Variants in TSR2 observed in about 807,000 individuals in gnomAD.
The protein encoded by TSR2 is TSR2 ribosome maturation factor, also known as pre-rRNA-processing protein TSR2 homolog.
TSR2 carries 1 observed loss-of-function variant against 13.3 expected under a neutral mutation model. The ratio of observed to expected loss-of-function variants is 0.08; its 90% CI spans 0.03 to 0.36. The LOEUF is 0.36. TSR2 is among the 10% of genes least tolerant of loss of function. The pLI, the probability that TSR2 is intolerant of heterozygous loss-of-function variation, is 0.99. For missense variants in TSR2, 120 were observed against 151.1 expected, an observed-to-expected ratio of 0.79 and a Z score of 1.08; for synonymous variants, 60 against 57.7, an observed-to-expected ratio of 1.04 and a Z score of -0.18.
rs1004559780 is a variant in TSR2 at position 54,446,468 on chromosome X, G to A, written c.*1918G>A. On this transcript the variant is annotated 3_prime_UTR_variant, in exon 5 of 5. Transcript: ENST00000375151. ...CACCTTGGGGCTAGACCTTTCCCCC[G>A]CCCCAGCTTCTAACTGGTTTTGCAT... 7.2e-6 allele frequency: 8 copies of A among 1,108,952 alleles called. No individual in the cohort carries two copies. The highest frequency in any genetic ancestry group is 1.8e-5 in the African/African-American group (1 of 55,005). 91.4% of individuals were successfully genotyped at this position (1,108,952 alleles called of 1,213,427 possible). A position where few individuals can be genotyped will look rare whatever the true frequency, so the allele number is the denominator to read the frequency against.
chrX:54,445,973 C>T lies in TSR2; in HGVS notation c.*1423C>T. ...AAAAGATGAATTAAAAAACCCAAGA[C>T]CCAGCATTCGGGATTGAAAGTGCCC... On this transcript the variant is annotated 3_prime_UTR_variant, in exon 5 of 5. Transcript: ENST00000375151. 1 of 474,769 alleles carries T rather than the reference C, an allele frequency of 2.1e-6. No individual in the cohort carries two copies. The highest frequency in any genetic ancestry group is 3.7e-5 in the South Asian group (1 of 26,698). 39.1% of individuals were successfully genotyped at this position (474,769 alleles called of 1,213,427 possible).
At position 54,447,204 on chromosome X, in the gene TSR2, A is replaced by G; in HGVS notation, c.*2654A>G. 1.1e-6 allele frequency: 1 copy of G among 896,438 alleles called. No homozygotes were observed. 73.9% of individuals were successfully genotyped at this position (896,438 alleles called of 1,213,427 possible). A position where few individuals can be genotyped will look rare whatever the true frequency, so the allele number is the denominator to read the frequency against. ...CTGATTTCCTCTTAGAGATAGGCTC[A>G]CCTTATCTTCCAAGGCTCACCTTAT... is the stretch of plus-strand genomic sequence containing the variant. On this transcript the variant is annotated 3_prime_UTR_variant, in exon 5 of 5. Transcript: ENST00000375151.
chrX:54,446,411 C>T lies in TSR2; in HGVS notation c.*1861C>T, dbSNP rs1569540924. On this transcript the variant is annotated 3_prime_UTR_variant, in exon 5 of 5. Coordinates refer to ENST00000375151, the MANE Select transcript of TSR2 (RefSeq NM_058163.3). The stretch of plus-strand genomic sequence containing the variant: ...AGGGGCAGGCTGCGCTGGGCTTTCA[C>T]ATCCTGGCGGGAGGAGGGACAGAGC... The T allele has an allele frequency of 8.3e-7, 1 of 1,208,486 alleles. No homozygotes were observed.
rs1201178874 is a variant in TSR2 at position 54,446,825 on chromosome X, G to A, written c.*2275G>A. ...TGCAACCTCTACCTCCCAGGTTCAA[G>A]CAATTCTCCTGCCTCAGCTTCCTGA... On this transcript the variant is annotated 3_prime_UTR_variant, in exon 5 of 5. Coordinates refer to ENST00000375151, the MANE Select transcript of TSR2 (RefSeq NM_058163.3). 1.9e-5 allele frequency among the ~76,000 whole-genome samples: 2 copies of A among 106,482 alleles called. No homozygotes were observed. Among genetic ancestry groups the A allele is most frequent in the East Asian group, 5.9e-4 (2 of 3,386 alleles). The allele number at this position is 106,482 out of a possible 115,157, so 92.5% of individuals were successfully genotyped here. A position where few individuals can be genotyped will look rare whatever the true frequency, so the allele number is the denominator to read the frequency against.
rs189185630 is a variant in TSR2 at position 54,447,768 on chromosome X, G to T, written c.*3218G>T. Among the ~76,000 whole-genome samples, 145 of 112,259 alleles carry T rather than the reference G, an allele frequency of 1.3e-3. 1 individual carries two copies. Among genetic ancestry groups the T allele is most frequent in the Middle Eastern group, 4.6e-3 (1 of 219 alleles). ...AGCCATTCACACATTTAGGCCTCAT[G>T]CTTTTTTCTGTCTTTCATCACATCC... On this transcript the variant is annotated 3_prime_UTR_variant, in exon 5 of 5. Transcript: ENST00000375151.
At chrX:54,440,539 G>C in intron 1 of TSR2, 37 bp downstream of exon 1, 2 of 1,139,077 alleles carry the variant, frequency 1.8e-6, no homozygotes, top group Admixed American at 2.8e-5. Context: ...GTCAAGGTTA[G>C]GGCCCGGGGC....
At chrX:54,441,332 G>A (rs1431728123) in intron 2 of TSR2, among the ~76,000 whole-genome samples, 1 of 111,962 alleles carries the variant, frequency 8.9e-6, no homozygotes, top group African/African-American at 3.2e-5. Context: ...GATCTACACT[G>A]TAGGCTCGTC....
In TSR2 at chrX:54,446,226, G is replaced by A; in HGVS notation, c.*1676G>A. On this transcript the variant is annotated 3_prime_UTR_variant, in exon 5 of 5. Transcript: ENST00000375151. ...ACAGTGTGGGCCCCGGGCAGAACGTGTCCCCTCGGCCCGCCCGGCCAAGCA... is the reference window on the plus strand; with the variant it reads ...ACAGTGTGGGCCCCGGGCAGAACGTATCCCCTCGGCCCGCCCGGCCAAGCA... 2.5e-6 allele frequency: 3 copies of A among 1,211,809 alleles called. No individual in the cohort carries two copies. The highest frequency in any genetic ancestry group is 3.4e-6 in the Non-Finnish European group (3 of 895,404).
Position 54,446,128 on chromosome X carries a change from T to TG in TSR2, c.*1584dup. 1 of 1,209,737 alleles carries TG rather than the reference T, an allele frequency of 8.3e-7. No individual in the cohort carries two copies. ...AACCCTCTAGGTCTTGTCTCGGGTC[T>TG]GGGGGGATTCGGGGGGTTCAGCAGT... On this transcript the variant is annotated 3_prime_UTR_variant, in exon 5 of 5. Transcript: ENST00000375151.
At chrX:54,441,599 C>T (rs1921940494) in intron 2 of TSR2, among the ~76,000 whole-genome samples, 1 of 110,532 alleles carries the variant, frequency 9.0e-6, no homozygotes, top group South Asian at 3.8e-4. Context: ...GTGAATTGGG[C>T]TGGGTCTTAG....
chrX:54,442,035 A>G (rs556688391), intron 2 of TSR2, among the ~76,000 whole-genome samples: 5 of 112,214 alleles, frequency 4.5e-5, no homozygotes, highest in Non-Finnish European at 7.5e-5. Flanking sequence ...TTAGCTTTCT[A>G]TGGATAGTGT....
In TSR2 at chrX:54,443,505, G is replaced by T; in HGVS notation, c.264+14G>T. 1 of 1,136,300 alleles carries T rather than the reference G, an allele frequency of 8.8e-7. No individual in the cohort carries two copies. Among genetic ancestry groups the T allele is most frequent in the African/African-American group, 1.8e-5 (1 of 55,727 alleles). The allele number at this position is 1,136,300 out of a possible 1,213,427, so 93.6% of individuals were successfully genotyped here. A position where few individuals can be genotyped will look rare whatever the true frequency, so the allele number is the denominator to read the frequency against. On this transcript the variant is annotated intron_variant, in intron 3 of 4. Transcript: ENST00000375151. ...AGTCTGCCCCAGGTGAGCTTATCAC[G>T]GGCACAACTGCAGTCTCCCTACCTG... is the stretch of plus-strand genomic sequence containing the variant.
In TSR2 at chrX:54,446,141, G is replaced by A. The variant is rs374402628; in HGVS notation, c.*1591G>A. ...TTGTCTCGGGTCTGGGGGGATTCGG[G>A]GGGTTCAGCAGTGGCTCCTAAAGCA... is the stretch of plus-strand genomic sequence containing the variant. On this transcript the variant is annotated 3_prime_UTR_variant, in exon 5 of 5. Transcript: ENST00000375151. 1 of 1,210,762 alleles carries A rather than the reference G, an allele frequency of 8.3e-7. No individual in the cohort carries two copies. Among genetic ancestry groups the A allele is most frequent in the African/African-American group, 1.7e-5 (1 of 57,716 alleles).
In TSR2 at chrX:54,447,642, T is replaced by C. The variant is rs1227974193; in HGVS notation, c.*3092T>C. ...CTAGAGCTGAGATTCAAAGCTAGGT[T>C]CGTCTGCCTCATTTGGGCAACGGCT... On this transcript the variant is annotated 3_prime_UTR_variant, in exon 5 of 5. Transcript: ENST00000375151. Among the ~76,000 whole-genome samples the C allele has an allele frequency of 8.9e-6, 1 of 112,794 alleles. No individual in the cohort carries two copies. The highest frequency in any genetic ancestry group is 1.9e-5 in the Non-Finnish European group (1 of 53,382).
intron 1 of TSR2, 28 bp downstream of exon 1, chrX:54,440,530 T>G: frequency 1.7e-6 from 2 of 1,142,966 alleles, no homozygotes; most frequent in East Asian, 3.2e-5. Context: ...CAGGGCAAGG[T>G]CAAGGTTAGG....
rs771977030 is a variant in TSR2, at chrX:54,443,340, G to A, written c.173-60G>A. ...CACCAAGTAGATATTGAAGAGCAGT[G>A]GGCAGGGGTGATGAAGTTGGCTGGT... On this transcript the variant is annotated intron_variant, in intron 2 of 4. Coordinates refer to ENST00000375151, the MANE Select transcript of TSR2 (RefSeq NM_058163.3). 41 of 835,473 alleles carry A rather than the reference G, an allele frequency of 4.9e-5. No homozygotes were observed. The East Asian group carries it at 1.2e-3, about 25-fold the overall frequency. 68.9% of individuals were successfully genotyped at this position (835,473 alleles called of 1,213,427 possible).
At position 54,446,511 on chromosome X, in the gene TSR2, C is replaced by T. The variant is rs962494804; in HGVS notation, c.*1961C>T. The T allele has an allele frequency of 3.6e-6, 3 of 836,286 alleles. No homozygotes were observed. Among genetic ancestry groups the T allele is most frequent in the Non-Finnish European group, 5.1e-6 (3 of 589,433 alleles). The allele number at this position is 836,286 out of a possible 1,213,427, so 68.9% of individuals were successfully genotyped here. A position where few individuals can be genotyped will look rare whatever the true frequency, so the allele number is the denominator to read the frequency against. On this transcript the variant is annotated 3_prime_UTR_variant, in exon 5 of 5. Transcript: ENST00000375151. ...TTTTGCATATGCTCTGTCTTCAGTC[C>T]CCTACTCAGGAACTCCCCTACTCAG...
At chrX:54,441,463 A>G (rs924698043) in intron 2 of TSR2, among the ~76,000 whole-genome samples, 1 of 111,839 alleles carries the variant, frequency 8.9e-6, no homozygotes, top group Non-Finnish European at 1.9e-5. Context: ...ATCTCTCTCA[A>G]GAAAGTATAC....
At chrX:54,442,636 C>G (rs1185163153) in intron 2 of TSR2, among the ~76,000 whole-genome samples, 2 of 110,895 alleles carry the variant, frequency 1.8e-5, no homozygotes, top group African/African-American at 6.6e-5. Context: ...GAGTTACTGT[C>G]TAATTCAGAA....
Sources: gnomAD v4.1 joint callset for allele counts (sites outside exome capture counted in the v4.1 genomes callset) on GRCh38, gnomAD v4.1.1 for gene constraint, MANE v1.5 for transcripts, NCBI Gene and HGNC (gene_info 2026-07-23, HGNC 2026-07-21) for gene names.